The following NSFL1C variants were observed in gnomAD, a reference collection of about 807,000 sequenced individuals.
NSFL1C encodes NSFL1 cofactor, also known as NSFL1 cofactor p47.
NSFL1C carries 14 observed loss-of-function variants against 43.1 expected under a neutral mutation model. The observed-to-expected ratio is 0.32, with a 90% CI of 0.21 to 0.51. NSFL1C has a LOEUF of 0.51. Ranked by LOEUF, NSFL1C falls within the 20% of genes least tolerant of loss-of-function variation. The probability of loss-of-function intolerance (pLI) is 0.98; values close to 1 mark genes in which losing one functional copy is unlikely to be tolerated. For missense variants in NSFL1C, 406 were observed against 472.5 expected, an observed-to-expected ratio of 0.86 and a Z score of 1.30; for synonymous variants, 171 against 183.5, an observed-to-expected ratio of 0.93 and a Z score of 0.55.
At chr20:1,457,242 T>C (rs1227170251) in intron 3 of NSFL1C, among the ~76,000 whole-genome samples, 2 of 152,234 alleles carry the variant, frequency 1.3e-5, no homozygotes, top group Non-Finnish European at 2.9e-5. Flanking sequence ...AAAAAATGGA[T>C]ACCTGGTTAC....
chr20:1,452,388 T>G, intron 7 of NSFL1C, 105 bp downstream of exon 7: 4 of 1,421,392 alleles, frequency 2.8e-6, no homozygotes, highest in Non-Finnish European at 3.8e-6. Flanking sequence ...TGAAGTATTT[T>G]GTAAACAGTA....
At chr20:1,460,866 T>A (rs969020733) in intron 2 of NSFL1C, among the ~76,000 whole-genome samples, 2 of 152,222 alleles carry the variant, frequency 1.3e-5, no homozygotes, top group Non-Finnish European at 2.9e-5. Context: ...GTACAACTTT[T>A]GCTGGATGAA....
chr20:1,458,880 T>G (rs968848906), intron 2 of NSFL1C, among the ~76,000 whole-genome samples: 5 of 151,706 alleles, frequency 3.3e-5, no homozygotes, highest in Admixed American at 1.3e-4. Flanking sequence ...CAAGCTCCAG[T>G]GTACTTCTGC....
At position 1,454,269 on chromosome 20, in the gene NSFL1C, G is replaced by A. The variant is rs1049299184; in HGVS notation, c.481C>T (p.Pro161Ser). Reference sequence around the variant, plus strand: ...GCCACATAGGCAGACTCTTCCTCTGGTGCTGCCCCAAGGCGGTAGCCACCT... The same window carrying A: ...GCCACATAGGCAGACTCTTCCTCTGATGCTGCCCCAAGGCGGTAGCCACCT... ...AGGGYRLGAAPEEESAYVAGE... is the reference protein window; with the variant it reads ...AGGGYRLGAASEEESAYVAGE... The change falls in exon 5 of 9, where the codon CCA (proline) becomes TCA (serine). Residue 161 changes from proline (P) to serine (S), a missense_variant. Transcript: ENST00000216879. 29 of 1,612,618 alleles carry A rather than the reference G, an allele frequency of 1.8e-5. No homozygotes were observed. Among genetic ancestry groups the A allele is most frequent in the African/African-American group, 4.0e-5 (3 of 74,898 alleles).
At chr20:1,459,350 G>A (rs2090366145) in intron 2 of NSFL1C, among the ~76,000 whole-genome samples, 1 of 152,238 alleles carries the variant, frequency 6.6e-6, no homozygotes, top group Admixed American at 6.5e-5. Flanking sequence ...ACCATGTGAA[G>A]ATGTGCTTGC....
intron 7 of NSFL1C, among the ~76,000 whole-genome samples, chr20:1,446,873 C>A (rs1211705231): frequency 6.6e-6 from 1 of 152,226 alleles, no homozygotes; most frequent in East Asian, 1.9e-4. Context: ...CTTACTCTTC[C>A]CCCTTCACAG....
intron 1 of NSFL1C, among the ~76,000 whole-genome samples, chr20:1,465,638 T>C (rs2090494410): frequency 6.6e-6 from 1 of 152,252 alleles, no homozygotes; most frequent in Admixed American, 6.5e-5. Flanking sequence ...ACTTACTGGC[T>C]ATGTGACCCT....
intron 2 of NSFL1C, among the ~76,000 whole-genome samples, chr20:1,462,180 G>T (rs996066368): frequency 6.6e-6 from 1 of 152,172 alleles, no homozygotes; most frequent in Admixed American, 6.5e-5. Flanking sequence ...AGTCAAAAGT[G>T]GGGGATGGGA....
At chr20:1,462,926 TAAC>T (rs946451663) in intron 2 of NSFL1C, among the ~76,000 whole-genome samples, 13 of 152,202 alleles carry the variant, frequency 8.5e-5, no homozygotes, top group African/African-American at 2.7e-4. Flanking sequence ...AAAATTATAA[TAAC>T]AACACATGCT....
At chr20:1,451,771 C>CA (rs1243817089) in intron 7 of NSFL1C, among the ~76,000 whole-genome samples, 1 of 152,176 alleles carries the variant, frequency 6.6e-6, no homozygotes, top group African/African-American at 2.4e-5. Flanking sequence ...ATTAACCAAT[C>CA]AGATATCATC....
Position 1,449,364 on chromosome 20 carries a change from C to A in NSFL1C, c.785+3129G>T, listed in dbSNP as rs565854763. ...AGTGGAAGGTCACCTGACAGGCATT[C>A]CCAGTCTATACTGCTCTCAAGGAGG... On this transcript the variant is annotated intron_variant, in intron 7 of 8. Coordinates refer to ENST00000216879, the MANE Select transcript of NSFL1C (RefSeq NM_016143.5). Among the ~76,000 whole-genome samples the A allele has an allele frequency of 7.9e-5, 12 of 152,296 alleles. No individual in the cohort carries two copies. The East Asian group carries it at 1.7e-3, about 22-fold the overall frequency.
intron 2 of NSFL1C, among the ~76,000 whole-genome samples, chr20:1,462,071 G>A (rs1490923106): frequency 6.6e-6 from 1 of 152,158 alleles, no homozygotes; most frequent in Non-Finnish European, 1.5e-5. Context: ...TCATTTCATA[G>A]ATTCCTCCTA....
At chr20:1,452,363 C>T (rs978772760) in intron 7 of NSFL1C, 130 bp downstream of exon 7, 3 of 1,221,406 alleles carry the variant, frequency 2.5e-6, no homozygotes, top group Non-Finnish European at 3.4e-6. Context: ...CTCTTCCTCC[C>T]ATACAAATAA....
At chr20:1,464,172 A>G (rs2090465373) in intron 2 of NSFL1C, 157 bp downstream of exon 2, 1 of 653,262 alleles carries the variant, frequency 1.5e-6, no homozygotes, top group African/African-American at 1.8e-5. Flanking sequence ...TGTATAGGAA[A>G]TGACTGAGGC....
intron 1 of NSFL1C, among the ~76,000 whole-genome samples, chr20:1,466,076 A>G (rs2090504026): frequency 6.6e-6 from 1 of 152,216 alleles, no homozygotes; most frequent in Non-Finnish European, 1.5e-5. Context: ...GCATTGTTCC[A>G]GGCACTGGGA....
Position 1,466,794 on chromosome 20 carries a change from C to T in NSFL1C, c.31G>A (p.Glu11Lys), listed in dbSNP as rs1186421460. MAAERQEALR[E>K]FVAVTGAEED... ...TCGGCGCCCGTCACCGCCACGAACTCCCTCAGCGCCTCCTGTCGCTCCGCC... is the reference window on the plus strand; with the variant it reads ...TCGGCGCCCGTCACCGCCACGAACTTCCTCAGCGCCTCCTGTCGCTCCGCC... The change falls in exon 1 of 9, where the codon GAG (glutamate) becomes AAG (lysine). Residue 11 changes from glutamate to lysine, a missense_variant. Transcript: ENST00000216879. 1.3e-6 allele frequency: 2 copies of T among 1,558,010 alleles called. No individual in the cohort carries two copies. Among genetic ancestry groups the T allele is most frequent in the African/African-American group, 1.4e-5 (1 of 71,368 alleles).
intron 1 of NSFL1C, 26 bp downstream of exon 1, chr20:1,466,694 C>T (rs1330636594): frequency 2.0e-6 from 3 of 1,531,872 alleles, no homozygotes; most frequent in South Asian, 1.2e-5. Flanking sequence ...CCGGCCCACC[C>T]GACACAGCCC....
At chr20:1,445,327 G>T (rs938900513) in intron 8 of NSFL1C, among the ~76,000 whole-genome samples, 2 of 152,178 alleles carry the variant, frequency 1.3e-5, no homozygotes, top group African/African-American at 4.8e-5. Context: ...ATCAACCACA[G>T]CAGTTCTAAT....
At chr20:1,443,972 T>C in intron 8 of NSFL1C, 61 bp from the exon 9 acceptor site, 4 of 1,532,846 alleles carry the variant, frequency 2.6e-6, no homozygotes, top group Non-Finnish European at 3.5e-6. Flanking sequence ...CCCTGCCCTG[T>C]GGAAAGCTAA....
Sources: gnomAD v4.1 joint callset for allele counts (sites outside exome capture counted in the v4.1 genomes callset) on GRCh38, gnomAD v4.1.1 for gene constraint, MANE v1.5 for transcripts, NCBI Gene and HGNC (gene_info 2026-07-23, HGNC 2026-07-21) for gene names.